The following POU6F2 variants were observed in gnomAD, a reference collection of about 807,000 sequenced individuals.
POU6F2 encodes POU class 6 homeobox 2, also known as POU domain, class 6, transcription factor 2.
POU6F2 carries 31 observed loss-of-function variants against 71.3 expected under a neutral mutation model. The observed-to-expected ratio is 0.43, with a 90% CI of 0.33 to 0.59. The LOEUF is 0.59. Ranked by LOEUF, POU6F2 falls within the 20% of genes least tolerant of loss-of-function variation. The pLI, the probability that POU6F2 is intolerant of heterozygous loss-of-function variation, is 0.04. For missense variants in POU6F2, 783 were observed against 856.8 expected, an observed-to-expected ratio of 0.91 and a Z score of 1.07; for synonymous variants, 347 against 355.7, an observed-to-expected ratio of 0.98 and a Z score of 0.27.
At chr7:39,214,590 C>T (rs1794204133) in intron 4 of POU6F2, among the ~76,000 whole-genome samples, 1 of 152,086 alleles carries the variant, frequency 6.6e-6, no homozygotes, top group Admixed American at 6.5e-5. Context: ...TGACTCTGCC[C>T]CTAGAATGGA....
chr7:39,009,412 G>C (rs1375861354), intron 1 of POU6F2, among the ~76,000 whole-genome samples: 1 of 152,132 alleles, frequency 6.6e-6, no homozygotes, highest in Admixed American at 6.5e-5. Context: ...TCAGCTGAAG[G>C]AGATTTTGGG....
At chr7:39,364,729 C>T (rs984034700) in intron 5 of POU6F2, among the ~76,000 whole-genome samples, 3 of 152,116 alleles carry the variant, frequency 2.0e-5, no homozygotes, top group Admixed American at 6.5e-5. Context: ...CATAAACATG[C>T]GTGTGCAAGT....
intron 4 of POU6F2, among the ~76,000 whole-genome samples, chr7:39,241,574 G>A (rs1162543240): frequency 6.6e-6 from 1 of 152,094 alleles, no homozygotes; most frequent in Non-Finnish European, 1.5e-5. Context: ...CCAATGAAGG[G>A]AAGTAGAAAC....
chr7:39,444,858 C>T (rs1163328052), intron 7 of POU6F2, among the ~76,000 whole-genome samples: 1 of 151,832 alleles, frequency 6.6e-6, no homozygotes, highest in Admixed American at 6.6e-5. Context: ...GATTTATTCT[C>T]CTTTTGACTA....
chr7:39,097,173 A>G (rs930166569), intron 2 of POU6F2, among the ~76,000 whole-genome samples: 7 of 152,176 alleles, frequency 4.6e-5, no homozygotes, highest in Non-Finnish European at 1.0e-4. Context: ...CAGAGAGGGT[A>G]CTAAAGAATA....
rs183654681 is a variant in POU6F2, at chr7:39,417,185, G to A, written c.1113+10445G>A. Among the ~76,000 whole-genome samples, 59 of 152,292 alleles carry A rather than the reference G, an allele frequency of 3.9e-4. 1 individual carries two copies. In the South Asian group the frequency reaches 4.1e-3, roughly 11 times the overall value. On this transcript the variant is annotated intron_variant, in intron 6 of 9. Transcript: ENST00000518318. Reference sequence around the variant, plus strand: ...GAAAACATTAAATTCACATGTGAGCGACATTAAACTTTCAAATAAACATTC... The same window carrying A: ...GAAAACATTAAATTCACATGTGAGCAACATTAAACTTTCAAATAAACATTC...
At chr7:39,313,157 C>T (rs1407090722) in intron 4 of POU6F2, among the ~76,000 whole-genome samples, 6 of 152,102 alleles carry the variant, frequency 3.9e-5, no homozygotes, top group African/African-American at 1.4e-4. Flanking sequence ...ATCTTTCCAG[C>T]CCCATCCCCG....
Position 39,464,733 on chromosome 7 carries a change from T to C in POU6F2, c.*47T>C. On this transcript the variant is annotated 3_prime_UTR_variant, in exon 10 of 10. Coordinates refer to ENST00000518318, the MANE Select transcript of POU6F2 (RefSeq NM_001370959.1). This position sits in a 1 kb window ranked among gnomAD's most constrained non-coding sequence, Gnocchi z 4.1. ...GAAGCAAAATTCACAGAAACTAAACTCCACCCTTGGGACTCCACAACAACA... is the reference window on the plus strand; with the variant it reads ...GAAGCAAAATTCACAGAAACTAAACCCCACCCTTGGGACTCCACAACAACA... The C allele has an allele frequency of 4.6e-6, 7 of 1,537,980 alleles. No individual in the cohort carries two copies. Among genetic ancestry groups the C allele is most frequent in the Non-Finnish European group, 6.1e-6 (7 of 1,145,850 alleles).
At chr7:39,293,806 A>G (rs962546067) in intron 4 of POU6F2, among the ~76,000 whole-genome samples, 4 of 152,182 alleles carry the variant, frequency 2.6e-5, no homozygotes, top group South Asian at 4.1e-4. Flanking sequence ...TCTCATCCCA[A>G]TGAACGAGGA....
At chr7:38,993,346 A>G (rs1788651921) in intron 1 of POU6F2, among the ~76,000 whole-genome samples, 1 of 152,182 alleles carries the variant, frequency 6.6e-6, no homozygotes, top group South Asian at 2.1e-4. Flanking sequence ...TAGATCAGTA[A>G]AAAATGCAGT....
chr7:39,009,104 T>C (rs535740152), intron 1 of POU6F2, among the ~76,000 whole-genome samples: 1 of 152,288 alleles, frequency 6.6e-6, no homozygotes, highest in Non-Finnish European at 1.5e-5. Context: ...ATCTGTAAAT[T>C]ACCTTGGGCA....
intron 2 of POU6F2, among the ~76,000 whole-genome samples, chr7:39,167,461 A>G (rs1426207138): frequency 6.6e-6 from 1 of 152,076 alleles, no homozygotes; most frequent in African/African-American, 2.4e-5. Context: ...TACCTGTACA[A>G]TATTTCTATG....
At chr7:39,070,262 A>AT (rs1396270408) in intron 1 of POU6F2, among the ~76,000 whole-genome samples, 1 of 152,026 alleles carries the variant, frequency 6.6e-6, no homozygotes, top group Non-Finnish European at 1.5e-5. Flanking sequence ...GGGTTATTGA[A>AT]TTTTTTCCCT....
intron 1 of POU6F2, chr7:39,006,687 T>G: frequency 1.4e-6 from 1 of 690,514 alleles, no homozygotes; most frequent in South Asian, 1.7e-5. Flanking sequence ...GTAAAAAGCA[T>G]GTGTGTCATT....
chr7:39,281,436 G>A (rs4723840), intron 4 of POU6F2, among the ~76,000 whole-genome samples: 136,067 of 152,196 alleles, frequency 0.89, 60,922 homozygotes, highest in Middle Eastern at 0.95. Context: ...CTGTTGGCCA[G>A]TCTCTCTTTA....
chr7:39,158,856 T>C lies in POU6F2; in HGVS notation c.278-45379T>C, dbSNP rs374577942. ...CCAGCTATCTGGGTATTCCTTAATCTAGCCAAGTTGACATCAAAAAATTAA... is the reference window on the plus strand; with the variant it reads ...CCAGCTATCTGGGTATTCCTTAATCCAGCCAAGTTGACATCAAAAAATTAA... On this transcript the variant is annotated intron_variant, in intron 2 of 9. Coordinates refer to ENST00000518318, the MANE Select transcript of POU6F2 (RefSeq NM_001370959.1). Among the ~76,000 whole-genome samples, 25 of 152,222 alleles carry C rather than the reference T, an allele frequency of 1.6e-4. No homozygotes were observed. The South Asian group carries it at 5.0e-3, about 30-fold the overall frequency.
chr7:39,421,317 G>C (rs1027825210), intron 6 of POU6F2, among the ~76,000 whole-genome samples: 1 of 152,104 alleles, frequency 6.6e-6, no homozygotes, highest in African/African-American at 2.4e-5. Context: ...TGAATAGATA[G>C]ATAAATATTG....
chr7:39,292,895 G>A (rs900227445), intron 4 of POU6F2, among the ~76,000 whole-genome samples: 1 of 152,074 alleles, frequency 6.6e-6, no homozygotes, highest in Non-Finnish European at 1.5e-5. Context: ...TCTTGCAGTG[G>A]CTCTCAAAAC....
chr7:39,129,414 A>T (rs996068047), intron 2 of POU6F2, among the ~76,000 whole-genome samples: 1 of 152,162 alleles, frequency 6.6e-6, no homozygotes, highest in African/African-American at 2.4e-5. Context: ...ATGTAGGAAA[A>T]CCTTAAGAAG....
Sources: allele counts gnomAD v4.1 joint callset (sites outside exome capture counted in the v4.1 genomes callset), GRCh38; gene constraint gnomAD v4.1.1; non-coding constraint Gnocchi (gnomAD v3.1); transcripts MANE v1.5; gene names NCBI Gene and HGNC (gene_info 2026-07-23, HGNC 2026-07-21).